The following NT5C3A variants were observed in gnomAD, a reference collection of about 807,000 sequenced individuals.
NT5C3A encodes the protein cytosolic 5'-nucleotidase 3A.
NT5C3A carries 23 observed loss-of-function variants against 40.0 expected under a neutral mutation model. The observed-to-expected ratio is 0.58, with a 90% CI of 0.41 to 0.81. The LOEUF is 0.81. Ranked by LOEUF, NT5C3A falls within the 40% of genes least tolerant of loss-of-function variation. The probability of loss-of-function intolerance (pLI) is 0.00; values close to 1 mark genes in which losing one functional copy is unlikely to be tolerated. For missense variants in NT5C3A, 328 were observed against 403.0 expected (o/e 0.81, Z 1.59); for synonymous variants, 130 against 141.4 (o/e 0.92, Z 0.57).
intron 8 of NT5C3A, 76 bp from the exon 9 acceptor site, chr7:33,014,907 T>A: frequency 7.9e-7 from 1 of 1,272,216 alleles, no homozygotes; most frequent in Non-Finnish European, 1.1e-6. Flanking sequence ...ATCTCGTTGT[T>A]AGATCTCTTG....
chr7:33,038,723 G>C, intron 1 of NT5C3A: 1 of 382,796 alleles, frequency 2.6e-6, no homozygotes, highest in Non-Finnish European at 5.1e-6. Context: ...CAGCATTCTG[G>C]CACTATTCTA....
intron 1 of NT5C3A, chr7:33,029,358 A>G (rs1279909121): frequency 3.3e-6 from 1 of 306,702 alleles, no homozygotes; most frequent in Non-Finnish European, 6.4e-6. Flanking sequence ...AGTAGTATTT[A>G]CTCTGCTTTT....
chr7:33,043,534 G>A (rs1486165199), intron 1 of NT5C3A, among the ~76,000 whole-genome samples: 2 of 152,184 alleles, frequency 1.3e-5, no homozygotes, highest in Non-Finnish European at 1.5e-5. Flanking sequence ...ACAGAAGCAA[G>A]GAATCCAGCC....
chr7:33,021,887 G>A (rs1785645643), intron 4 of NT5C3A, 166 bp downstream of exon 4: 3 of 591,354 alleles, frequency 5.1e-6, no homozygotes, highest in South Asian at 4.2e-5. Context: ...TTTTGAATGT[G>A]TAATTCATAC....
At chr7:33,030,456 T>C (rs963505016) in intron 1 of NT5C3A, among the ~76,000 whole-genome samples, 2 of 152,074 alleles carry the variant, frequency 1.3e-5, no homozygotes, top group African/African-American at 4.8e-5. Context: ...GTCTGAAAAA[T>C]TTTCAATTTG....
intron 8 of NT5C3A, 28 bp downstream of exon 8, chr7:33,015,642 G>GA: frequency 6.8e-7 from 1 of 1,467,536 alleles, no homozygotes; most frequent in Non-Finnish European, 9.5e-7. Context: ...TATTTTCTTC[G>GA]AAAAAAATTA....
intron 2 of NT5C3A, 89 bp downstream of exon 2, chr7:33,026,728 A>C: frequency 1.1e-6 from 1 of 874,274 alleles, no homozygotes; most frequent in Non-Finnish European, 1.9e-6. Flanking sequence ...TCCTGGGCTC[A>C]AGTGATCCTC....
chr7:33,017,729 C>T (rs1158405353), intron 6 of NT5C3A, 128 bp from the exon 7 acceptor site: 4 of 760,282 alleles, frequency 5.3e-6, no homozygotes, highest in South Asian at 2.9e-5. Flanking sequence ...CAATATACTG[C>T]CCAAGAGGGC....
intron 1 of NT5C3A, among the ~76,000 whole-genome samples, chr7:33,054,353 C>CAA (rs35691055): frequency 1.5e-5 from 2 of 135,234 alleles, no homozygotes; most frequent in African/African-American, 2.7e-5. Context: ...GACCCTGCCT[C>CAA]AAAAAAAAAA....
At chr7:33,027,764 C>T (rs1356282588) in intron 1 of NT5C3A, among the ~76,000 whole-genome samples, 2 of 152,110 alleles carry the variant, frequency 1.3e-5, no homozygotes, top group Admixed American at 6.6e-5. Flanking sequence ...TCCCGTTAAG[C>T]CTCCATTTTA....
chr7:33,021,401 T>C, intron 4 of NT5C3A, 44 bp from the exon 5 acceptor site: 1 of 1,596,608 alleles, frequency 6.3e-7, no homozygotes, highest in South Asian at 1.1e-5. Flanking sequence ...TACTTGAAAA[T>C]AAATCTGCTT....
At chr7:33,040,390 T>C (rs1001587546) in intron 1 of NT5C3A, among the ~76,000 whole-genome samples, 1 of 152,174 alleles carries the variant, frequency 6.6e-6, no homozygotes, top group African/African-American at 2.4e-5. Flanking sequence ...AACATACCAG[T>C]GATAATCCCA....
Position 33,062,686 on chromosome 7 carries a change from G to T in NT5C3A, c.20C>A (p.Ala7Glu), listed in dbSNP as rs745815163. Reference sequence around the variant, plus strand: ...GGCGCTCGCTACCGCGCCCACCCTCGCCACGGCCGCGCGGTCCATGGACGG... The same window carrying T: ...GGCGCTCGCTACCGCGCCCACCCTCTCCACGGCCGCGCGGTCCATGGACGG... Reference protein sequence around the residue: MDRAAVARVGAVASASV... With the variant: MDRAAVERVGAVASASV... Residue 7 changes from alanine (A) to glutamate (E), a missense_variant, in exon 1 of 9, where the codon GCG becomes GAG. Ala to Glu is a moderately radical substitution (Grantham distance 107). Transcript: ENST00000610140. The T allele has an allele frequency of 5.1e-6, 8 of 1,570,370 alleles. No individual in the cohort carries two copies. The Admixed American group carries it at 1.3e-4, about 26-fold the overall frequency.
At chr7:33,033,953 G>A (rs998990425) in intron 1 of NT5C3A, among the ~76,000 whole-genome samples, 11 of 149,136 alleles carry the variant, frequency 7.4e-5, no homozygotes, top group Admixed American at 6.7e-4. Flanking sequence ...GTGCAGTGGC[G>A]CCTCTCAGCT....
intron 1 of NT5C3A, among the ~76,000 whole-genome samples, chr7:33,053,720 GA>G (rs1301990056): frequency 6.6e-6 from 1 of 151,818 alleles, no homozygotes; most frequent in Non-Finnish European, 1.5e-5. Context: ...CTTTTAGTCA[GA>G]AAAAAATTTG....
intron 1 of NT5C3A, among the ~76,000 whole-genome samples, chr7:33,050,967 T>A (rs1439442483): frequency 6.6e-6 from 1 of 152,136 alleles, no homozygotes; most frequent in African/African-American, 2.4e-5. Flanking sequence ...ACTGCTGTTT[T>A]TAAGGAGAGA....
intron 1 of NT5C3A, among the ~76,000 whole-genome samples, chr7:33,059,524 C>CT (rs764674252): frequency 1.4e-4 from 22 of 152,276 alleles, no homozygotes; most frequent in Non-Finnish European, 2.8e-4. Flanking sequence ...CAATTAATCC[C>CT]TTTATCTAAT....
At chr7:33,031,622 A>T (rs1189809917) in intron 1 of NT5C3A, among the ~76,000 whole-genome samples, 1 of 152,078 alleles carries the variant, frequency 6.6e-6, no homozygotes, top group Non-Finnish European at 1.5e-5. Flanking sequence ...ATTTTGTATT[A>T]AAAAACACAC....
At chr7:33,048,906 A>AT (rs1390328353) in intron 1 of NT5C3A, among the ~76,000 whole-genome samples, 1 of 152,198 alleles carries the variant, frequency 6.6e-6, no homozygotes, top group Non-Finnish European at 1.5e-5. Context: ...TTTAGAGATA[A>AT]TTTTTTAATG....
Sources: allele counts gnomAD v4.1 joint callset (sites outside exome capture counted in the v4.1 genomes callset), GRCh38; gene constraint gnomAD v4.1.1; transcripts MANE v1.5; gene names NCBI Gene and HGNC (gene_info 2026-07-23, HGNC 2026-07-21).